Variants in DLG1 observed in about 807,000 individuals in gnomAD.
The protein encoded by DLG1 is disks large homolog 1.
In DLG1, 42 loss-of-function variants were observed where a neutral mutation model predicts 123.4. That is an observed-to-expected ratio of 0.34 (90% CI 0.27 to 0.44). The LOEUF (loss-of-function observed/expected upper bound fraction) is 0.44, where lower values mean the gene tolerates loss of function less well. Among genes scored for constraint, DLG1 ranks in the 20% least tolerant of loss-of-function variants. The probability of loss-of-function intolerance (pLI) is 1.00; values close to 1 mark genes in which losing one functional copy is unlikely to be tolerated. For synonymous variants in DLG1, 317 were observed against 356.2 expected, an observed-to-expected ratio of 0.89 and a Z score of 1.24; for missense variants, 942 against 1,082.6, an observed-to-expected ratio of 0.87 and a Z score of 1.82.
At chr3:197,190,302 T>C (rs542601134) in intron 5 of DLG1, among the ~76,000 whole-genome samples, 1 of 152,166 alleles carries the variant, frequency 6.6e-6, no homozygotes, top group Admixed American at 6.5e-5. Context: ...ACCTCAAGCT[T>C]TGCATTCACG....
intron 18 of DLG1, 44 bp from the exon 19 acceptor site, chr3:197,069,304 G>T: frequency 2.2e-6 from 3 of 1,366,262 alleles, no homozygotes; most frequent in Non-Finnish European, 3.0e-6. Flanking sequence ...AGTGTCATGA[G>T]TTTAAAAAGC....
At chr3:197,195,347 G>A (rs1318545102) in intron 4 of DLG1, among the ~76,000 whole-genome samples, 1 of 151,192 alleles carries the variant, frequency 6.6e-6, no homozygotes, top group African/African-American at 2.4e-5. Context: ...ATACAAATGG[G>A]TCAGTACCCA....
At chr3:197,047,858 C>T (rs1262002220) in intron 24 of DLG1, among the ~76,000 whole-genome samples, 1 of 152,046 alleles carries the variant, frequency 6.6e-6, no homozygotes, top group Non-Finnish European at 1.5e-5. Context: ...TCACACTGGT[C>T]TTGGATGATT....
intron 5 of DLG1, among the ~76,000 whole-genome samples, chr3:197,151,121 G>A (rs953852210): frequency 2.0e-5 from 3 of 151,988 alleles, no homozygotes; most frequent in African/African-American, 7.3e-5. Flanking sequence ...TTTCCCAATG[G>A]TATATTGAGA....
chr3:197,294,657 C>CAAA (rs71926647), intron 3 of DLG1, among the ~76,000 whole-genome samples: 17 of 79,098 alleles, frequency 2.1e-4, no homozygotes, highest in Non-Finnish European at 3.2e-4. Flanking sequence ...GACTCTGCCT[C>CAAA]AAAAAAAAAA....
At chr3:197,207,491 T>C (rs897829598) in intron 4 of DLG1, among the ~76,000 whole-genome samples, 1 of 152,076 alleles carries the variant, frequency 6.6e-6, no homozygotes, top group Admixed American at 6.6e-5. Flanking sequence ...CAACAGAAAA[T>C]TTATTCATTT....
intron 18 of DLG1, among the ~76,000 whole-genome samples, chr3:197,075,317 CAAAAA>C (rs58384491): frequency 1.0e-4 from 9 of 90,298 alleles, no homozygotes; most frequent in African/African-American, 2.8e-4. Flanking sequence ...ATAACTTTCT[CAAAAA>C]AAAAAAAAAA....
rs767490280 is a variant in DLG1, at chr3:197,104,936, C to G, written c.1513G>C (p.Ala505Pro). The part of the protein sequence containing the change: ...AAAALKNAGQ[A>P]VTIVAQYRPE... ...CGATATTGTGCAACAATTGTGACAG[C>G]CTGGCCAGCATTTTTCAATGCAGCT... The change falls in exon 14 of 25, where the codon GCT becomes CCT. Residue 505 changes from alanine to proline, a missense_variant. Coordinates refer to ENST00000667157, the MANE Select transcript of DLG1 (RefSeq NM_001366207.1). The G allele has an allele frequency of 6.2e-7, 1 of 1,613,490 alleles. No individual in the cohort carries two copies. Among genetic ancestry groups the G allele is most frequent in the East Asian group, 2.2e-5 (1 of 44,824 alleles).
chr3:197,058,644 T>C (rs1369951818), intron 23 of DLG1, among the ~76,000 whole-genome samples: 3 of 152,248 alleles, frequency 2.0e-5, no homozygotes, highest in Non-Finnish European at 4.4e-5. Flanking sequence ...AGTAACTGTT[T>C]CATGTACACT....
intron 5 of DLG1, among the ~76,000 whole-genome samples, chr3:197,170,626 G>A (rs932821616): frequency 1.3e-5 from 2 of 151,988 alleles, no homozygotes; most frequent in Non-Finnish European, 2.9e-5. Flanking sequence ...CCTTATAGAC[G>A]CCGGATATTA....
rs149422844 is a variant in DLG1 at position 197,296,441 on chromosome 3, C to A, written c.56G>T (p.Arg19Leu). 22 of 1,613,456 alleles carry A rather than the reference C, an allele frequency of 1.4e-5. No homozygotes were observed. The highest frequency in any genetic ancestry group is 1.7e-5 in the Non-Finnish European group (20 of 1,179,510). ...GTCTTCAGTTTGGCTTAGTTTTGAA[C>A]GATATTCCTCCAAAAGGTGCAATGC... ...QRALHLLEEY[R>L]SKLSQTEDRQ... The change falls in exon 3 of 25, where the codon CGT (arginine) becomes CTT (leucine). Residue 19 changes from arginine to leucine, a missense_variant. By Grantham distance (102) the Arg-to-Leu change is moderately radical. Transcript: ENST00000667157.
chr3:197,080,918 T>C lies in DLG1; in HGVS notation c.1905+133A>G, dbSNP rs377036164. The C allele has an allele frequency of 1.8e-5, 12 of 676,304 alleles. No homozygotes were observed. In the East Asian group the frequency reaches 2.7e-4, roughly 15 times the overall value. 41.9% of individuals were successfully genotyped at this position (676,304 alleles called of 1,614,324 possible). A position where few individuals can be genotyped will look rare whatever the true frequency, so the allele number is the denominator to read the frequency against. ...GAAATGGGTGCTTGAATTTAACAAA[T>C]GCTTAAGTATCTACCATTGTAAAGC... On this transcript the variant is annotated intron_variant, in intron 17 of 24. Coordinates refer to ENST00000667157, the MANE Select transcript of DLG1 (RefSeq NM_001366207.1).
rs531461272 is a variant in DLG1, at chr3:197,081,282, A to G, written c.1839-165T>C. ...AATTAGAATTGCTGAAAAATGAAAT[A>G]AAGGGCTCATTTTATTATGAAACAA... On this transcript the variant is annotated intron_variant, in intron 16 of 24. Coordinates refer to ENST00000667157, the MANE Select transcript of DLG1 (RefSeq NM_001366207.1). Among the ~76,000 whole-genome samples the G allele has an allele frequency of 3.0e-4, 46 of 152,308 alleles. 1 individual carries two copies. The South Asian group carries it at 9.5e-3, about 32-fold the overall frequency.
intron 5 of DLG1, among the ~76,000 whole-genome samples, chr3:197,170,421 C>T (rs1561212389): frequency 1.3e-5 from 2 of 151,976 alleles, no homozygotes; most frequent in African/African-American, 4.8e-5. Flanking sequence ...GCCAGCATCT[C>T]TTGTTTTGAT....
intron 5 of DLG1, among the ~76,000 whole-genome samples, chr3:197,153,844 C>T (rs1488239042): frequency 6.6e-6 from 1 of 151,948 alleles, no homozygotes; most frequent in Non-Finnish European, 1.5e-5. Flanking sequence ...TCTTTGATAG[C>T]CTACAACAAT....
intron 12 of DLG1, among the ~76,000 whole-genome samples, chr3:197,118,589 C>G (rs968117913): frequency 4.6e-5 from 7 of 152,118 alleles, no homozygotes; most frequent in Non-Finnish European, 8.8e-5. Context: ...ACAGACATTA[C>G]TTAGTACACA....
intron 11 of DLG1, among the ~76,000 whole-genome samples, chr3:197,127,236 A>G (rs1055163762): frequency 6.6e-6 from 1 of 151,160 alleles, no homozygotes; most frequent in Non-Finnish European, 1.5e-5. Flanking sequence ...CAGCCTGGCC[A>G]ACATGGCGAA....
At chr3:197,112,115 T>C (rs1770377097) in intron 13 of DLG1, among the ~76,000 whole-genome samples, 1 of 152,252 alleles carries the variant, frequency 6.6e-6, no homozygotes, top group Non-Finnish European at 1.5e-5. Flanking sequence ...GAATGAGGGT[T>C]GTAGCTGCTC....
At chr3:197,201,948 AC>A (rs1466987987) in intron 4 of DLG1, among the ~76,000 whole-genome samples, 1 of 151,936 alleles carries the variant, frequency 6.6e-6, no homozygotes, top group African/African-American at 2.4e-5. Flanking sequence ...AATAATGTGT[AC>A]ACATGGAGGC....
Sources: allele counts gnomAD v4.1 joint callset (sites outside exome capture counted in the v4.1 genomes callset), GRCh38; gene constraint gnomAD v4.1.1; transcripts MANE v1.5; gene names NCBI Gene and HGNC (gene_info 2026-07-23, HGNC 2026-07-21).